ADGRG6: variants seen among roughly 807,000 people sequenced by gnomAD.
The protein encoded by ADGRG6 is G-protein coupled receptor 126.
Under a neutral mutation model 142.4 loss-of-function variants are expected in ADGRG6, and 84 were observed. The ratio of observed to expected loss-of-function variants is 0.59; its 90% CI spans 0.49 to 0.71. ADGRG6 has a LOEUF of 0.71. ADGRG6 is among the 30% of genes least tolerant of loss of function. The probability of loss-of-function intolerance (pLI) is 0.00; values close to 1 mark genes in which losing one functional copy is unlikely to be tolerated. For synonymous variants in ADGRG6, 521 were observed against 520.5 expected, an observed-to-expected ratio of 1.00 and a Z score of -0.01; for missense variants, 1,367 against 1,466.6, an observed-to-expected ratio of 0.93 and a Z score of 1.11.
chr6:142,396,667 T>C (rs1298680737), intron 9 of ADGRG6, among the ~76,000 whole-genome samples: 3 of 152,170 alleles, frequency 2.0e-5, no homozygotes, highest in African/African-American at 7.2e-5. Context: ...GTAACTGATC[T>C]CAATAATATA....
At chr6:142,303,254 A>C (rs1777316559) in intron 1 of ADGRG6, among the ~76,000 whole-genome samples, 1 of 152,080 alleles carries the variant, frequency 6.6e-6, no homozygotes. Context: ...CTTGGTACTT[A>C]ACACTCCTTC....
At chr6:142,403,725 C>T (rs1775653986) in intron 13 of ADGRG6, 77 bp from the exon 14 acceptor site, 2 of 869,110 alleles carry the variant, frequency 2.3e-6, no homozygotes, top group East Asian at 2.8e-5. Flanking sequence ...TGTATTTTGC[C>T]ATGCAGCAAA....
chr6:142,369,720 G>A (rs1781142842), intron 3 of ADGRG6, among the ~76,000 whole-genome samples: 1 of 152,184 alleles, frequency 6.6e-6, no homozygotes, highest in Admixed American at 6.5e-5. Context: ...TTTGGAAAGA[G>A]TGAAAAGTAA....
chr6:142,420,083 T>C lies in ADGRG6; in HGVS notation c.3298T>C (p.Ser1100Pro). Residue 1100 changes from serine to proline, a missense_variant, in exon 22 of 25, where the codon TCC becomes CCC. This residue lies in a region of ADGRG6 where 344 missense variants were observed against 348.7 expected (regional missense o/e 0.99). Coordinates refer to ENST00000367609, the MANE Select transcript of ADGRG6 (RefSeq NM_198569.3). ...PLNIPFMYLF[S>P]IFNSLQGLFI... ...AAATATCCCCTTCATGTACCTCTTC[T>C]CCATCTTCAATTCATTACAAGGTAA... The C allele has an allele frequency of 6.2e-7, 1 of 1,612,100 alleles. No homozygotes were observed. The highest frequency in any genetic ancestry group is 8.5e-7 in the Non-Finnish European group (1 of 1,178,470).
intron 4 of ADGRG6, among the ~76,000 whole-genome samples, chr6:142,371,484 G>T (rs9376688): frequency 0.31 from 28,148 of 91,686 alleles, 2,719 homozygotes; most frequent in African/African-American, 0.47. Flanking sequence ...GTTTTTTTTT[G>T]TTTTTTTTTT....
chr6:142,415,025 C>G lies in ADGRG6; in HGVS notation c.2598C>G (p.Phe866Leu), dbSNP rs1776286408. Reference protein sequence around the residue: ...LDARNTKVLTFISYIGCGISA... With the variant: ...LDARNTKVLTLISYIGCGISA... ...CAAGAAACACTAAAGTCCTCACTTT[C>G]ATCAGCTATATTGGGTGTGGAATAT... Residue 866 changes from phenylalanine to leucine, a missense_variant, in exon 19 of 25, where the codon TTC becomes TTG. Transcript: ENST00000367609. The G allele has an allele frequency of 1.2e-6, 2 of 1,610,966 alleles. No homozygotes were observed. The highest frequency in any genetic ancestry group is 1.1e-5 in the South Asian group (1 of 90,814).
At chr6:142,394,056 C>A in intron 9 of ADGRG6, 98 bp downstream of exon 9, 1 of 790,726 alleles carries the variant, frequency 1.3e-6, no homozygotes, top group Admixed American at 2.3e-5. Context: ...GAAAGAAAAA[C>A]TTAATCACAT....
Position 142,417,230 on chromosome 6 carries a change from C to T in ADGRG6, c.2939-43C>T, listed in dbSNP as rs79277448. On this transcript the variant is annotated intron_variant, in intron 20 of 24. Transcript: ENST00000367609. ...CATTAGCAGTCTTATGAAGCAGTTT[C>T]AGATGCTTCAAAAGAGTTTGTGTCA... 5.3e-3 allele frequency: 5,284 copies of T among 993,644 alleles called. 173 individuals are homozygous for T. In the African/African-American group the frequency reaches 0.073, roughly 14 times the overall value. The allele number at this position is 993,644 out of a possible 1,614,324, so 61.6% of individuals were successfully genotyped here.
chr6:142,325,081 A>T (rs192239884), intron 2 of ADGRG6, among the ~76,000 whole-genome samples: 13 of 152,262 alleles, frequency 8.5e-5, no homozygotes, highest in Admixed American at 6.5e-4. Flanking sequence ...CTCGTAGCTC[A>T]TTCTGCATTT....
chr6:142,369,626 C>T (rs573421034), intron 3 of ADGRG6, among the ~76,000 whole-genome samples: 1 of 152,182 alleles, frequency 6.6e-6, no homozygotes, highest in South Asian at 2.1e-4. Flanking sequence ...ATTATTTTTG[C>T]ATTTGTTCCT....
chr6:142,412,924 T>A (rs1335564433), intron 18 of ADGRG6, among the ~76,000 whole-genome samples: 2 of 152,150 alleles, frequency 1.3e-5, no homozygotes, highest in Non-Finnish European at 2.9e-5. Flanking sequence ...AGAGTTTGCC[T>A]GCCCACGACT....
chr6:142,311,230 T>C (rs1777754259), intron 2 of ADGRG6, among the ~76,000 whole-genome samples: 1 of 151,970 alleles, frequency 6.6e-6, no homozygotes, highest in Non-Finnish European at 1.5e-5. Flanking sequence ...CTTGTTAAGT[T>C]ACTCTCTCAC....
chr6:142,437,772 C>G (rs1211263374), intron 23 of ADGRG6, among the ~76,000 whole-genome samples: 1 of 151,776 alleles, frequency 6.6e-6, no homozygotes, highest in African/African-American at 2.4e-5. Flanking sequence ...AATGAGTTGC[C>G]TGAGGTTTGA....
intron 10 of ADGRG6, among the ~76,000 whole-genome samples, chr6:142,398,979 C>A (rs747297120): frequency 1.3e-5 from 2 of 152,094 alleles, no homozygotes; most frequent in African/African-American, 4.8e-5. Flanking sequence ...TTCCCTGGAA[C>A]TGGAACACTT....
intron 2 of ADGRG6, among the ~76,000 whole-genome samples, chr6:142,338,027 T>TTTTTTTGTTTTG (rs1779422027): frequency 1.7e-5 from 1 of 58,002 alleles, no homozygotes; most frequent in African/African-American, 5.6e-5. Flanking sequence ...GTTTTTTTTT[T>TTTTTTTGTTTTG]TTTTTTTTTT....
At chr6:142,402,976 C>A in intron 13 of ADGRG6, 146 bp downstream of exon 13, 1 of 445,298 alleles carries the variant, frequency 2.2e-6, no homozygotes, top group Non-Finnish European at 3.9e-6. Context: ...GAAGCAAGGT[C>A]ATTCACAACA....
intron 2 of ADGRG6, among the ~76,000 whole-genome samples, chr6:142,323,879 A>G (rs1012039126): frequency 6.6e-6 from 1 of 152,112 alleles, no homozygotes; most frequent in African/African-American, 2.4e-5. Flanking sequence ...GCATGGCTGT[A>G]TAATGGAGCT....
intron 4 of ADGRG6, among the ~76,000 whole-genome samples, chr6:142,379,879 GAC>G (rs1368641008): frequency 6.6e-6 from 1 of 152,196 alleles, no homozygotes; most frequent in East Asian, 1.9e-4. Context: ...ACACACCCGT[GAC>G]ACAGCCTCAG....
At chr6:142,409,036 A>T (rs1034730712) in intron 16 of ADGRG6, among the ~76,000 whole-genome samples, 2 of 152,176 alleles carry the variant, frequency 1.3e-5, no homozygotes, top group Non-Finnish European at 2.9e-5. Flanking sequence ...AACATACATA[A>T]TATAAATGTA....
Sources: gnomAD v4.1 joint callset for allele counts (sites outside exome capture counted in the v4.1 genomes callset) on GRCh38, gnomAD v4.1.1 for gene constraint, gnomAD v4.1.1 regional missense constraint, MANE v1.5 for transcripts, NCBI Gene and HGNC (gene_info 2026-07-23, HGNC 2026-07-21) for gene names.